CHEK2: variants seen among roughly 807,000 people sequenced by gnomAD.
CHEK2 encodes checkpoint kinase 2, also known as serine/threonine-protein kinase Chk2.
A neutral mutation model predicts 69.1 loss-of-function variants in CHEK2; 71 were observed. The ratio of observed to expected loss-of-function variants is 1.03; its 90% CI spans 0.85 to 1.25. The LOEUF (loss-of-function observed/expected upper bound fraction) is 1.25, where lower values mean the gene tolerates loss of function less well. CHEK2 is among the 50% of genes most tolerant of loss of function. CHEK2 has a pLI of 0.00. For missense variants in CHEK2, 664 were observed against 649.6 expected (o/e 1.02, Z -0.24); for synonymous variants, 189 against 226.9 (o/e 0.83, Z 1.50).
At chr22:28,737,454 G>T (rs1454093761) in intron 1 of CHEK2, 9 of 292,650 alleles carry the variant, frequency 3.1e-5, no homozygotes, top group Non-Finnish European at 4.9e-5. Context: ...TGTAATTTAA[G>T]ACTTATGAAC....
intron 10 of CHEK2, among the ~76,000 whole-genome samples, chr22:28,696,587 G>A (rs2052592580): frequency 6.6e-6 from 1 of 151,952 alleles, no homozygotes; most frequent in Non-Finnish European, 1.5e-5. Flanking sequence ...TCAAACTCCT[G>A]ACCTCAGGTG....
chr22:28,737,362 CA>C, intron 1 of CHEK2: 3 of 432,856 alleles, frequency 6.9e-6, no homozygotes, highest in Non-Finnish European at 4.6e-6. Context: ...CTTCTCTTTA[CA>C]ATATCCAAAT....
In CHEK2 at chr22:28,725,126, TAAAA is replaced by T; in HGVS notation, c.445-6_445-3del. ...GTAAGAGTTTTTAGGACCCACTTCC[TAAAA>T]TAGAGAACATTTTGTTTCAGACTTT... On this transcript the variant is annotated splice_polypyrimidine_tract_variant and splice_region_variant and intron_variant, in intron 3 of 14. Transcript: ENST00000404276. 6.2e-7 allele frequency: 1 copy of T among 1,614,142 alleles called. No homozygotes were observed.
At chr22:28,713,333 G>C (rs2053472941) in intron 5 of CHEK2, among the ~76,000 whole-genome samples, 1 of 151,636 alleles carries the variant, frequency 6.6e-6, no homozygotes, top group Admixed American at 6.6e-5. Context: ...TGTGACTAAA[G>C]CTGCTATGAA....
At chr22:28,718,396 T>C (rs1230546648) in intron 5 of CHEK2, among the ~76,000 whole-genome samples, 1 of 152,054 alleles carries the variant, frequency 6.6e-6, no homozygotes, top group Non-Finnish European at 1.5e-5. Flanking sequence ...AAATTGTAAT[T>C]ACCATATGAT....
intron 5 of CHEK2, chr22:28,712,229 T>G: frequency 3.4e-6 from 2 of 587,820 alleles, no homozygotes; most frequent in East Asian, 2.8e-5. Context: ...AAATTCCATT[T>G]CTGAGCCCAG....
chr22:28,698,254 G>A (rs1345600627), intron 9 of CHEK2, among the ~76,000 whole-genome samples: 1 of 64,772 alleles, frequency 1.5e-5, no homozygotes, highest in Non-Finnish European at 4.4e-5. Context: ...AAAATTAGCT[G>A]GACATGGTGG....
At chr22:28,716,444 G>A (rs532887239) in intron 5 of CHEK2, among the ~76,000 whole-genome samples, 44 of 152,022 alleles carry the variant, frequency 2.9e-4, no homozygotes, top group Non-Finnish European at 4.7e-4. Flanking sequence ...TGATCCACCC[G>A]CCTCAGCCTC....
chr22:28,703,621 C>A (rs1217557515), intron 7 of CHEK2, 55 bp from the exon 8 acceptor site: 2 of 1,111,764 alleles, frequency 1.8e-6, no homozygotes, highest in Non-Finnish European at 2.7e-6. Flanking sequence ...AAGAGGAAAA[C>A]CACAAGAGCT....
intron 13 of CHEK2, among the ~76,000 whole-genome samples, chr22:28,690,563 G>A (rs1321942374): frequency 6.6e-6 from 1 of 151,462 alleles, no homozygotes; most frequent in Non-Finnish European, 1.5e-5. Flanking sequence ...AAGAGGCGGA[G>A]GTTGCAGTAA....
At chr22:28,700,806 T>A (rs932561457) in intron 8 of CHEK2, among the ~76,000 whole-genome samples, 1 of 151,586 alleles carries the variant, frequency 6.6e-6, no homozygotes, top group South Asian at 2.1e-4. Context: ...TTATTTATTT[T>A]GAGACAGAGT....
rs912063494 is a variant in CHEK2 at position 28,739,604 on chromosome 22, T to C, written c.-7+2165A>G. Among the ~76,000 whole-genome samples the C allele has an allele frequency of 2.0e-5, 3 of 150,756 alleles. No homozygotes were observed. In the East Asian group the frequency reaches 6.0e-4, roughly 30 times the overall value. The stretch of plus-strand genomic sequence containing the variant: ...CTTGGGAGGCTGAGGCAGGAGAATC[T>C]CTTGAACCCGGGAGGCAGAGGAGGC... On this transcript the variant is annotated intron_variant, in intron 1 of 14. Coordinates refer to ENST00000404276, the MANE Select transcript of CHEK2 (RefSeq NM_007194.4).
intron 2 of CHEK2, chr22:28,728,246 TGA>T (rs1163997414): frequency 6.6e-6 from 1 of 152,098 alleles, no homozygotes; most frequent in Admixed American, 6.6e-5. Flanking sequence ...AAAATTAGAA[TGA>T]GAGAGATAAT....
At chr22:28,714,207 A>C (rs532972320) in intron 5 of CHEK2, among the ~76,000 whole-genome samples, 2 of 152,274 alleles carry the variant, frequency 1.3e-5, no homozygotes, top group East Asian at 3.9e-4. Context: ...CAATTTCTCC[A>C]CATCCTCACC....
At position 28,690,592 on chromosome 22, in the gene CHEK2, C is replaced by T. The variant is rs199944720; in HGVS notation, c.1462-1377G>A. The stretch of plus-strand genomic sequence containing the variant: ...GCAGTAAGCCAGGATCACACCACTG[C>T]ACTCCAGCCTGGGCAAAAGAGTACA... On this transcript the variant is annotated intron_variant, in intron 13 of 14. Transcript: ENST00000404276. 4.0e-5 allele frequency among the ~76,000 whole-genome samples: 6 copies of T among 148,740 alleles called. No homozygotes were observed. The East Asian group carries it at 6.0e-4, about 15-fold the overall frequency.
chr22:28,706,747 C>A (rs940496506), intron 7 of CHEK2, among the ~76,000 whole-genome samples: 1 of 152,026 alleles, frequency 6.6e-6, no homozygotes, highest in Non-Finnish European at 1.5e-5. Context: ...GGCAAAACCC[C>A]ATCTCTACTA....
chr22:28,717,818 G>A (rs1157554219), intron 5 of CHEK2, among the ~76,000 whole-genome samples: 5 of 152,208 alleles, frequency 3.3e-5, no homozygotes, highest in African/African-American at 4.8e-5. Flanking sequence ...GGCAGAGGTT[G>A]CATTGAGCTG....
At chr22:28,711,513 G>A (rs1382711444) in intron 6 of CHEK2, among the ~76,000 whole-genome samples, 3 of 152,084 alleles carry the variant, frequency 2.0e-5, no homozygotes, top group Non-Finnish European at 2.9e-5. Flanking sequence ...CTAAAAACAC[G>A]ATTTCATCTG....
chr22:28,698,367 C>G (rs1274164855), intron 9 of CHEK2, among the ~76,000 whole-genome samples: 1 of 151,902 alleles, frequency 6.6e-6, no homozygotes, highest in African/African-American at 2.4e-5. Flanking sequence ...TGGACTCCAG[C>G]CTGGGCGACA....
Sources: gnomAD v4.1 joint callset for allele counts (sites outside exome capture counted in the v4.1 genomes callset) on GRCh38, gnomAD v4.1.1 for gene constraint, MANE v1.5 for transcripts, NCBI Gene and HGNC (gene_info 2026-07-23, HGNC 2026-07-21) for gene names.